CLTC: variants seen among roughly 807,000 people sequenced by gnomAD.
CLTC encodes the protein clathrin heavy chain 1.
In CLTC, 16 loss-of-function variants were observed where a neutral mutation model predicts 195.8. That is an observed-to-expected ratio of 0.08 (90% CI 0.06 to 0.12). The LOEUF (loss-of-function observed/expected upper bound fraction) is 0.12. Among genes scored for constraint, CLTC ranks in the 10% least tolerant of loss-of-function variants. CLTC has a pLI of 1.00. For synonymous variants in CLTC, 667 were observed against 689.4 expected (o/e 0.97, Z 0.51); for missense variants, 796 against 2,027.0 (o/e 0.39, Z 11.66).
chr17:59,680,880 C>A, intron 18 of CLTC, 32 bp from the exon 19 acceptor site: 1 of 1,516,406 alleles, frequency 6.6e-7, no homozygotes. Context: ...CAACTTGATT[C>A]TCAGTACTTA....
intron 17 of CLTC, among the ~76,000 whole-genome samples, chr17:59,678,197 G>T (rs1268108095): frequency 2.0e-5 from 3 of 152,048 alleles, no homozygotes; most frequent in Admixed American, 2.0e-4. Flanking sequence ...TTTTTCTCTT[G>T]GTATTATATC....
chr17:59,650,721 C>T (rs943941498), intron 4 of CLTC, among the ~76,000 whole-genome samples: 1 of 152,012 alleles, frequency 6.6e-6, no homozygotes, highest in Non-Finnish European at 1.5e-5. Context: ...CCAGTTTCTC[C>T]CAATGGCTAC....
intron 28 of CLTC, 183 bp downstream of exon 28, chr17:59,684,168 G>T: frequency 1.8e-6 from 1 of 554,592 alleles, no homozygotes; most frequent in Non-Finnish European, 3.2e-6. Flanking sequence ...TCAGAATTTT[G>T]CTCAGATCTT....
At chr17:59,690,916 C>T (rs1262896412) in intron 31 of CLTC, 1 of 423,794 alleles carries the variant, frequency 2.4e-6, no homozygotes, top group Non-Finnish European at 4.2e-6. Flanking sequence ...TACAAGAAAA[C>T]TCAAAAATAG....
Position 59,663,925 on chromosome 17 carries a change from C to T in CLTC, c.1452C>T (p.Val484=), listed in dbSNP as rs770198821. The change falls in exon 9 of 32, where the codon GTC becomes GTT. Residue 484 remains valine (V), a synonymous_variant. Coordinates refer to ENST00000269122, the MANE Select transcript of CLTC (RefSeq NM_004859.4). Reference sequence around the variant, plus strand: ...TTAGTGTGTACCTAAGGGCTAACGTCCCAAATAAAGTCATTCAGTGCTTTG... The same window carrying T: ...TTAGTGTGTACCTAAGGGCTAACGTTCCAAATAAAGTCATTCAGTGCTTTG... ...LALSVYLRAN[V]PNKVIQCFAE... is the part of the protein sequence containing the mutation. 1.2e-6 allele frequency: 2 copies of T among 1,613,864 alleles called. No individual in the cohort carries two copies. Among genetic ancestry groups the T allele is most frequent in the Non-Finnish European group, 1.7e-6 (2 of 1,179,854 alleles).
intron 31 of CLTC, 77 bp from the exon 32 acceptor site, chr17:59,693,651 G>A (rs2033359785): frequency 1.4e-6 from 2 of 1,476,328 alleles, no homozygotes; most frequent in South Asian, 2.7e-5. Flanking sequence ...GAGGAGATTG[G>A]AGTGTTCTAA....
chr17:59,674,931 T>A, intron 16 of CLTC, 88 bp downstream of exon 16: 2 of 1,263,986 alleles, frequency 1.6e-6, no homozygotes, highest in Non-Finnish European at 2.2e-6. Flanking sequence ...CCAAAGCTAC[T>A]AAATAACACA....
At chr17:59,645,972 T>A (rs2032183643) in intron 2 of CLTC, 14 of 743,144 alleles carry the variant, frequency 1.9e-5, no homozygotes, top group Non-Finnish European at 2.3e-5. Flanking sequence ...TTTTTAATGT[T>A]ATTGTTATCT....
intron 1 of CLTC, among the ~76,000 whole-genome samples, chr17:59,634,120 G>T (rs1244452556): frequency 6.6e-6 from 1 of 152,072 alleles, no homozygotes; most frequent in Non-Finnish European, 1.5e-5. Flanking sequence ...TGTTGCCCAG[G>T]CTGGTCTTGA....
chr17:59,622,319 C>G (rs370530955), intron 1 of CLTC, among the ~76,000 whole-genome samples: 2 of 152,320 alleles, frequency 1.3e-5, no homozygotes, highest in South Asian at 4.1e-4. Context: ...GCCCAAATAA[C>G]TACAGCCTCT....
chr17:59,659,736 C>T, intron 6 of CLTC, among the ~76,000 whole-genome samples: 1 of 152,136 alleles, frequency 6.6e-6, no homozygotes, highest in East Asian at 1.9e-4. Context: ...GCGTGAGCCA[C>T]TGCACCCGGC....
chr17:59,664,760 A>G, intron 9 of CLTC, 27 bp from the exon 10 acceptor site: 1 of 1,602,272 alleles, frequency 6.2e-7, no homozygotes, highest in Non-Finnish European at 8.5e-7. Flanking sequence ...ACTTAGGAGC[A>G]GCGTTTAAGT....
intron 2 of CLTC, 53 bp downstream of exon 2, chr17:59,644,536 TTTG>T (rs756802020): frequency 4.1e-5 from 56 of 1,367,936 alleles, no homozygotes; most frequent in Middle Eastern, 3.6e-4. Context: ...TTTGTTTTTT[TTTG>T]TTTTTTTTTT....
At chr17:59,633,525 A>G (rs562175505) in intron 1 of CLTC, among the ~76,000 whole-genome samples, 3 of 152,286 alleles carry the variant, frequency 2.0e-5, no homozygotes, top group African/African-American at 4.8e-5. Flanking sequence ...TAGTGACTCA[A>G]TTGTAAAATA....
In CLTC at chr17:59,660,432, C is replaced by T. The variant is rs1306790792; in HGVS notation, c.1011C>T (p.Tyr337=). 2 of 1,614,074 alleles carry T rather than the reference C, an allele frequency of 1.2e-6. No individual in the cohort carries two copies. The highest frequency in any genetic ancestry group is 1.1e-5 in the South Asian group (1 of 91,086). ...TGGAAGAAGAAAACATAATTCCTTA[C>T]ATCACCAATGTTCTACAAAATCCTG... ...VCVEEENIIP[Y]ITNVLQNPDL... Residue 337 remains tyrosine, a synonymous_variant, in exon 7 of 32, where the codon TAC becomes TAT. Transcript: ENST00000269122.
chr17:59,673,878 G>C, intron 15 of CLTC, 106 bp downstream of exon 15: 1 of 648,226 alleles, frequency 1.5e-6, no homozygotes, highest in East Asian at 2.9e-5. Flanking sequence ...GTGGTCTGCA[G>C]CTTTTAACGT....
chr17:59,664,906 A>G lies in CLTC; in HGVS notation c.1641A>G (p.Thr547=). Residue 547 remains threonine, a synonymous_variant, in exon 10 of 32, where the codon ACA becomes ACG. Coordinates refer to ENST00000269122, the MANE Select transcript of CLTC (RefSeq NM_004859.4). ...ATGAAGAGCCTCTTGCTGACATCACACAGGTAATGTGATTAAAATATATTT... is the reference window on the plus strand; with the variant it reads ...ATGAAGAGCCTCTTGCTGACATCACGCAGGTAATGTGATTAAAATATATTT... ...VQDEEPLADI[T]QIVDVFMEYN... 3 of 1,613,962 alleles carry G rather than the reference A, an allele frequency of 1.9e-6. No individual in the cohort carries two copies. The highest frequency in any genetic ancestry group is 2.5e-6 in the Non-Finnish European group (3 of 1,179,908).
intron 6 of CLTC, among the ~76,000 whole-genome samples, chr17:59,656,666 A>ATTTTTTTTTTTTTTTTTTTTTTTT (rs55669818): frequency 5.2e-5 from 5 of 96,222 alleles, no homozygotes; most frequent in Non-Finnish European, 6.4e-5. Context: ...TATTATTTTA[A>ATTTTTTTTTTTTTTTTTTTTTTTT]TTTTTTTTTT....
chr17:59,652,970 C>T (rs1356090206), intron 5 of CLTC, among the ~76,000 whole-genome samples: 1 of 152,126 alleles, frequency 6.6e-6, no homozygotes, highest in East Asian at 1.9e-4. Context: ...CTTGGTTTTT[C>T]ACCTTGCACT....
Sources: gnomAD v4.1 joint callset for allele counts (sites outside exome capture counted in the v4.1 genomes callset) on GRCh38, gnomAD v4.1.1 for gene constraint, MANE v1.5 for transcripts, NCBI Gene and HGNC (gene_info 2026-07-23, HGNC 2026-07-21) for gene names.